ZIM2: variants seen among roughly 807,000 people sequenced by gnomAD.
ZIM2 encodes the protein zinc finger protein 656.
A neutral mutation model predicts 38.6 loss-of-function variants in ZIM2; 14 were observed. The observed-to-expected ratio is 0.36, with a 90% CI of 0.24 to 0.57. The LOEUF is 0.57. Among genes scored for constraint, ZIM2 ranks in the 20% least tolerant of loss-of-function variants. ZIM2 has a pLI of 0.81. For missense variants in ZIM2, 680 were observed against 695.1 expected (o/e 0.98, Z 0.24); for synonymous variants, 247 against 245.8 (o/e 1.00, Z -0.04).
chr19:56,833,424 C>T (rs753553562), intron 2 of ZIM2: 9 of 336,712 alleles, frequency 2.7e-5, no homozygotes, highest in Non-Finnish European at 5.3e-5. Flanking sequence ...CCTCTCTCTG[C>T]AGACCGACAT....
At chr19:56,785,862 T>C (rs1004891971) in intron 10 of ZIM2, among the ~76,000 whole-genome samples, 1 of 152,198 alleles carries the variant, frequency 6.6e-6, no homozygotes, top group Non-Finnish European at 1.5e-5. Flanking sequence ...TTTTTTTAAA[T>C]AACAGCTTTA....
intron 10 of ZIM2, among the ~76,000 whole-genome samples, chr19:56,783,835 T>G (rs1278363019): frequency 6.6e-6 from 1 of 151,078 alleles, no homozygotes; most frequent in South Asian, 2.1e-4. Flanking sequence ...AAAATAAAAG[T>G]GAAAAAAAAA....
intron 9 of ZIM2, chr19:56,817,135 G>C: frequency 6.2e-7 from 1 of 1,614,132 alleles, no homozygotes; most frequent in Non-Finnish European, 8.5e-7. Flanking sequence ...AAAGGAGGGG[G>C]AGCTGAGGCT....
chr19:56,795,067 TTTTTTGAGGCAGA>T (rs2047128113), intron 9 of ZIM2, among the ~76,000 whole-genome samples: 1 of 152,048 alleles, frequency 6.6e-6, no homozygotes, highest in Non-Finnish European at 1.5e-5. Flanking sequence ...TTTTTTTTCT[TTTTTTGAGGCAGA>T]GTCTCGCTCA....
At position 56,789,872 on chromosome 19, in the gene ZIM2, C is replaced by G. The variant is rs551616907; in HGVS notation, c.570G>C (p.Gln190His). Residue 190 changes from glutamine (Q) to histidine (H), a missense_variant and splice_region_variant, in exon 10 of 13, where the codon CAG becomes CAC. Physicochemically the swap from Gln to His is conservative, Grantham distance 24. Coordinates refer to ENST00000629319, the MANE Select transcript of ZIM2 (RefSeq NM_001387356.1). ...CATGTCAGAGGAAAGCCTGACTCAC[C>G]TGGGACCCAGCAGATGGCAGATTGT... is the stretch of plus-strand genomic sequence containing the variant. ...MLDNLPSAGSQFPDFKHLGTF... is the reference protein window; with the variant it reads ...MLDNLPSAGSHFPDFKHLGTF... 3.8e-6 allele frequency: 6 copies of G among 1,572,104 alleles called. No homozygotes were observed. The South Asian group carries it at 7.1e-5, about 19-fold the overall frequency.
intron 9 of ZIM2, chr19:56,813,515 T>A: frequency 7.0e-7 from 1 of 1,431,408 alleles, no homozygotes; most frequent in Non-Finnish European, 9.2e-7. Flanking sequence ...AATCTGCACA[T>A]TCGGTCTCTT....
At chr19:56,784,675 T>A (rs1453922683) in intron 10 of ZIM2, among the ~76,000 whole-genome samples, 1 of 152,062 alleles carries the variant, frequency 6.6e-6, no homozygotes, top group Non-Finnish European at 1.5e-5. Context: ...GAATAAGGAG[T>A]TTTGAGTTCT....
In ZIM2 at chr19:56,837,125, C is replaced by T. The variant is rs535718036; in HGVS notation, c.-313-1021G>A. Among the ~76,000 whole-genome samples the T allele has an allele frequency of 1.7e-4, 26 of 152,196 alleles. No homozygotes were observed. The East Asian group carries it at 1.9e-3, about 11-fold the overall frequency. On this transcript the variant is annotated intron_variant, in intron 1 of 12. Coordinates refer to ENST00000629319, the MANE Select transcript of ZIM2 (RefSeq NM_001387356.1). ...GCTAGGTAAGTGAGCTCTAGGACTC[C>T]GTAGGAGAGCTAGGGCTGGGAGGGC...
At chr19:56,802,714 G>A (rs929818850) in intron 9 of ZIM2, among the ~76,000 whole-genome samples, 1 of 152,140 alleles carries the variant, frequency 6.6e-6, no homozygotes, top group African/African-American at 2.4e-5. Flanking sequence ...CCTCAGACAG[G>A]CAGGAAACAG....
intron 10 of ZIM2, among the ~76,000 whole-genome samples, chr19:56,787,530 G>A (rs2046675123): frequency 6.6e-6 from 1 of 152,114 alleles, no homozygotes; most frequent in African/African-American, 2.4e-5. Flanking sequence ...CCCACCTTGG[G>A]AGGGATATTG....
rs1295342658 is a variant in ZIM2 at position 56,800,369 on chromosome 19, AC to A, written c.491-10419del. On this transcript the variant is annotated intron_variant, in intron 9 of 12. Transcript: ENST00000629319. ...AAAAATGGGTTATAATATGAAAAAA[AC>A]ATGTTTCTAAAAATTACAGAATGGT... Among the ~76,000 whole-genome samples the A allele has an allele frequency of 2.6e-5, 4 of 152,270 alleles. No homozygotes were observed. The East Asian group carries it at 5.8e-4, about 22-fold the overall frequency.
At chr19:56,790,433 T>G (rs2046870926) in intron 9 of ZIM2, among the ~76,000 whole-genome samples, 1 of 152,220 alleles carries the variant, frequency 6.6e-6, no homozygotes, top group Non-Finnish European at 1.5e-5. Context: ...ATTCTGGTGA[T>G]GAAATCTCAC....
At chr19:56,781,148 C>T (rs527571614) in intron 11 of ZIM2, among the ~76,000 whole-genome samples, 7 of 152,204 alleles carry the variant, frequency 4.6e-5, no homozygotes, top group South Asian at 2.1e-4. Context: ...TCCTTGTAAC[C>T]GATAAGAACC....
chr19:56,811,019 T>C (rs541846048), intron 9 of ZIM2: 275 of 973,524 alleles, frequency 2.8e-4, no homozygotes, highest in Middle Eastern at 2.6e-3. Flanking sequence ...TTTGACACAG[T>C]TATAATCATA....
At chr19:56,837,468 C>G (rs1291687145) in intron 1 of ZIM2, among the ~76,000 whole-genome samples, 1 of 152,236 alleles carries the variant, frequency 6.6e-6, no homozygotes, top group Non-Finnish European at 1.5e-5. Flanking sequence ...TTCCCCAAAT[C>G]TCTTAAAACG....
At chr19:56,802,263 G>T (rs1486418350) in intron 9 of ZIM2, among the ~76,000 whole-genome samples, 1 of 152,078 alleles carries the variant, frequency 6.6e-6, no homozygotes, top group Non-Finnish European at 1.5e-5. Context: ...CAACACAGGG[G>T]GCCACCTACT....
At chr19:56,820,888 A>C (rs1368649742) in intron 7 of ZIM2, among the ~76,000 whole-genome samples, 2 of 152,158 alleles carry the variant, frequency 1.3e-5, no homozygotes, top group Non-Finnish European at 2.9e-5. Context: ...GAAGGAAAGG[A>C]AGGCTCAGCC....
chr19:56,812,562 T>C (rs939153822), intron 9 of ZIM2: 1 of 985,832 alleles, frequency 1.0e-6, no homozygotes, highest in African/African-American at 1.7e-5. Context: ...CATAAGCTGA[T>C]GCTGCACAGG....
intron 9 of ZIM2, chr19:56,815,619 G>A (rs1183071006): frequency 6.2e-7 from 1 of 1,614,154 alleles, no homozygotes; most frequent in Admixed American, 1.7e-5. Flanking sequence ...TATGCTCAAT[G>A]TATTTCTTTT....
Sources: gnomAD v4.1 joint callset for allele counts (sites outside exome capture counted in the v4.1 genomes callset) on GRCh38, gnomAD v4.1.1 for gene constraint, MANE v1.5 for transcripts, NCBI Gene and HGNC (gene_info 2026-07-23, HGNC 2026-07-21) for gene names.